CKAP2: variants seen among roughly 807,000 people sequenced by gnomAD.
CKAP2 encodes the protein cytoskeleton associated protein 2.
In CKAP2, 46 loss-of-function variants were observed where a neutral mutation model predicts 58.4. That is an observed-to-expected ratio of 0.79 (90% CI 0.62 to 1.01). The LOEUF (loss-of-function observed/expected upper bound fraction) is 1.01. Among genes scored for constraint, CKAP2 ranks in the 50% least tolerant of loss-of-function variants. CKAP2 has a pLI of 0.00. For missense variants in CKAP2, 809 were observed against 796.4 expected (o/e 1.02, Z -0.19); for synonymous variants, 293 against 280.9 (o/e 1.04, Z -0.43).
In CKAP2 at chr13:52,473,896, T is replaced by G; in HGVS notation, c.1614T>G (p.Gly538=). Residue 538 remains glycine (G), a synonymous_variant, in exon 8 of 9, where the codon GGT becomes GGG. Transcript: ENST00000258607. ...AAGAAGTCAGTATTGAAGATACAGGTGTTGATGTAGATCCAGAAAAACTGG... is the reference window on the plus strand; with the variant it reads ...AAGAAGTCAGTATTGAAGATACAGGGGTTGATGTAGATCCAGAAAAACTGG... ...EVKEVSIEDT[G]VDVDPEKLEM... The G allele has an allele frequency of 6.2e-7, 1 of 1,613,722 alleles. No homozygotes were observed. Among genetic ancestry groups the G allele is most frequent in the Non-Finnish European group, 8.5e-7 (1 of 1,179,698 alleles).
At chr13:52,458,364 A>G (rs1014699378) in intron 2 of CKAP2, among the ~76,000 whole-genome samples, 3 of 152,318 alleles carry the variant, frequency 2.0e-5, no homozygotes, top group Admixed American at 6.5e-5. Context: ...TGATTAGTAT[A>G]CAGATGATAT....
chr13:52,466,077 A>G (rs1216323483), intron 6 of CKAP2, among the ~76,000 whole-genome samples: 3 of 152,094 alleles, frequency 2.0e-5, no homozygotes, highest in African/African-American at 7.2e-5. Flanking sequence ...TATACACTGT[A>G]TATATTGGTC....
chr13:52,465,549 G>T, intron 6 of CKAP2, 84 bp downstream of exon 6: 1 of 1,265,960 alleles, frequency 7.9e-7, no homozygotes, highest in Non-Finnish European at 1.1e-6. Flanking sequence ...AACATAACTT[G>T]AGAAAATTTT....
intron 5 of CKAP2, among the ~76,000 whole-genome samples, chr13:52,464,784 TATG>T (rs1958640575): frequency 6.6e-6 from 1 of 152,178 alleles, no homozygotes; most frequent in Non-Finnish European, 1.5e-5. Flanking sequence ...GAATTCAAGG[TATG>T]ATTTCAAACT....
chr13:52,456,692 T>C, intron 2 of CKAP2, 85 bp downstream of exon 2: 1 of 1,084,400 alleles, frequency 9.2e-7, no homozygotes, highest in African/African-American at 1.6e-5. Flanking sequence ...ATATCTGTAA[T>C]TTTAAATTTT....
intron 1 of CKAP2, 82 bp from the exon 2 acceptor site, chr13:52,456,441 C>A (rs1294143424): frequency 8.9e-7 from 1 of 1,127,128 alleles, no homozygotes; most frequent in African/African-American, 1.6e-5. Flanking sequence ...GAAGTAAACT[C>A]TTCATTTAGT....
intron 6 of CKAP2, among the ~76,000 whole-genome samples, chr13:52,466,044 C>T (rs1375203012): frequency 6.6e-6 from 1 of 151,722 alleles, no homozygotes; most frequent in African/African-American, 2.4e-5. Context: ...CATATATACA[C>T]ACACACATAT....
intron 6 of CKAP2, among the ~76,000 whole-genome samples, chr13:52,466,227 T>G (rs1958675714): frequency 6.6e-6 from 1 of 152,190 alleles, no homozygotes; most frequent in African/African-American, 2.4e-5. Flanking sequence ...TTCTTGAGTT[T>G]TTTGTTTGGT....
rs115036651 is a variant in CKAP2 at position 52,475,351 on chromosome 13, A to G, written c.*210A>G. ...TAATCCTACCTTGTCAGTTTCAACC[A>G]ACTGAGTTTTTTCTTTAAGAAAGGT... On this transcript the variant is annotated 3_prime_UTR_variant, in exon 9 of 9. Coordinates refer to ENST00000258607, the MANE Select transcript of CKAP2 (RefSeq NM_018204.5). 2,820 of 565,042 alleles carry G rather than the reference A, an allele frequency of 5.0e-3. 20 individuals carry two copies. Among genetic ancestry groups the G allele is most frequent in the African/African-American group, 0.017 (927 of 53,258 alleles). The allele number at this position is 565,042 out of a possible 1,614,324, so 35.0% of individuals were successfully genotyped here.
intron 7 of CKAP2, among the ~76,000 whole-genome samples, chr13:52,469,950 T>A (rs1471781070): frequency 1.3e-5 from 2 of 152,166 alleles, no homozygotes; most frequent in African/African-American, 2.4e-5. Flanking sequence ...ACTGTAGTCA[T>A]TAATATTAAT....
At chr13:52,468,381 A>C (rs569153938) in intron 7 of CKAP2, 34 bp downstream of exon 7, 4 of 1,313,278 alleles carry the variant, frequency 3.0e-6, no homozygotes, top group South Asian at 1.3e-5. Flanking sequence ...CTTCATGTGA[A>C]CTGTAGTTTT....
intron 5 of CKAP2, among the ~76,000 whole-genome samples, chr13:52,464,134 C>T (rs865814309): frequency 6.6e-6 from 1 of 152,132 alleles, no homozygotes; most frequent in Non-Finnish European, 1.5e-5. Context: ...TTTCTTACAT[C>T]TATTCATTAT....
intron 6 of CKAP2, among the ~76,000 whole-genome samples, chr13:52,467,963 C>T (rs1183280885): frequency 1.3e-5 from 2 of 152,084 alleles, no homozygotes; most frequent in African/African-American, 4.8e-5. Flanking sequence ...GCGCCTGCCA[C>T]CACGCCCGGC....
chr13:52,456,492 T>G, intron 1 of CKAP2, 31 bp from the exon 2 acceptor site: 1 of 1,491,702 alleles, frequency 6.7e-7, no homozygotes, highest in Non-Finnish European at 9.3e-7. Context: ...TTAACTAATA[T>G]TGACTTGTAG....
intron 5 of CKAP2, among the ~76,000 whole-genome samples, chr13:52,464,665 T>G (rs1290306787): frequency 1.3e-5 from 2 of 152,012 alleles, no homozygotes; most frequent in East Asian, 3.9e-4. Flanking sequence ...AGTATAATAA[T>G]CAGCTCCAGA....
At chr13:52,455,954 A>G in intron 1 of CKAP2, 2 of 1,134,600 alleles carry the variant, frequency 1.8e-6, no homozygotes, top group Non-Finnish European at 1.1e-6. Flanking sequence ...GCGGGGCTGC[A>G]CAGGTTCAGG....
At chr13:52,456,144 A>G in intron 1 of CKAP2, 1 of 1,029,840 alleles carries the variant, frequency 9.7e-7, no homozygotes, top group Non-Finnish European at 1.2e-6. Context: ...CACACGGGAA[A>G]GCAGAAGAAA....
Position 52,475,286 on chromosome 13 carries a change from AT to A in CKAP2, c.*147del. On this transcript the variant is annotated 3_prime_UTR_variant, in exon 9 of 9. Transcript: ENST00000258607. ...CACGGCAGTGAGCTCCTTTACTAACATTCATGTTATGGCAAGAGTTGTCCTC... is the reference window on the plus strand; with the variant it reads ...CACGGCAGTGAGCTCCTTTACTAACATCATGTTATGGCAAGAGTTGTCCTC... The A allele has an allele frequency of 1.0e-6, 1 of 971,908 alleles. No homozygotes were observed. The allele number at this position is 971,908 out of a possible 1,614,324, so 60.2% of individuals were successfully genotyped here.
intron 6 of CKAP2, chr13:52,465,696 A>G: frequency 3.2e-6 from 2 of 616,696 alleles, no homozygotes; most frequent in East Asian, 3.3e-5. Context: ...GCTGAAATGT[A>G]TATTTAATGA....
Sources: allele counts gnomAD v4.1 joint callset (sites outside exome capture counted in the v4.1 genomes callset), GRCh38; gene constraint gnomAD v4.1.1; transcripts MANE v1.5; gene names NCBI Gene and HGNC (gene_info 2026-07-23, HGNC 2026-07-21).